The following ENTREP2 variants were observed in gnomAD, a reference collection of about 807,000 sequenced individuals.
ENTREP2 encodes the protein endosomal transmembrane epsin interactor 2.
the ENTREP2 span, among the ~76,000 whole-genome samples, chr15:29,389,966 T>A: frequency 6.6e-6 from 1 of 151,912 alleles, no homozygotes; most frequent in Admixed American, 6.6e-5. Flanking sequence ...GCCAAATAGA[T>A]TGGGAAAGGC....
the ENTREP2 span, chr15:29,569,843 C>G: frequency 3.9e-5 from 6 of 152,668 alleles, no homozygotes; most frequent in African/African-American, 1.4e-4. Flanking sequence ...GCCGCCCCCC[C>G]TTGCCTGCCC....
chr15:29,352,671 C>T, the ENTREP2 span, among the ~76,000 whole-genome samples: 3 of 152,216 alleles, frequency 2.0e-5, no homozygotes, highest in Admixed American at 1.3e-4. Context: ...TTCATCCCCA[C>T]ACCCTGGCTG....
chr15:29,351,923 G>A, the ENTREP2 span, among the ~76,000 whole-genome samples: 3 of 152,078 alleles, frequency 2.0e-5, no homozygotes, highest in East Asian at 1.9e-4. Context: ...ACATGCACGA[G>A]CCACCACGTC....
the ENTREP2 span, among the ~76,000 whole-genome samples, chr15:29,199,639 C>T: frequency 6.6e-6 from 1 of 152,140 alleles, no homozygotes; most frequent in African/African-American, 2.4e-5. Context: ...ATATATAGTA[C>T]ATGGTTTTGT....
the ENTREP2 span, among the ~76,000 whole-genome samples, chr15:29,466,182 G>A: frequency 5.1e-3 from 771 of 152,262 alleles, 7 homozygotes; most frequent in African/African-American, 0.018. Context: ...GAGCAGCTCC[G>A]AGCAACAGTG....
chr15:29,643,876 G>A, the ENTREP2 span, among the ~76,000 whole-genome samples: 1 of 151,946 alleles, frequency 6.6e-6, no homozygotes, highest in Admixed American at 6.6e-5. Flanking sequence ...CAGTCACTTT[G>A]GAGAACAGAC....
chr15:29,361,610 A>G, the ENTREP2 span, among the ~76,000 whole-genome samples: 1 of 152,156 alleles, frequency 6.6e-6, no homozygotes, highest in African/African-American at 2.4e-5. Flanking sequence ...TTTCCAAGTC[A>G]TTGCACGGCT....
chr15:29,399,026 T>C, the ENTREP2 span, among the ~76,000 whole-genome samples: 1 of 152,170 alleles, frequency 6.6e-6, no homozygotes, highest in African/African-American at 2.4e-5. Flanking sequence ...ATTTGAGGTG[T>C]AAGAAGTTGT....
At chr15:29,196,461 T>C in the ENTREP2 span, 1 of 1,551,710 alleles carries the variant, frequency 6.4e-7, no homozygotes, top group East Asian at 2.4e-5. Flanking sequence ...GTTGCAGTTC[T>C]CCTGCAGCGG....
chr15:29,484,794 T>A, the ENTREP2 span, among the ~76,000 whole-genome samples: 1 of 152,154 alleles, frequency 6.6e-6, no homozygotes, highest in African/African-American at 2.4e-5. Flanking sequence ...AAATAAGAAC[T>A]TAAGTCACAA....
the ENTREP2 span, among the ~76,000 whole-genome samples, chr15:29,327,065 CA>C: frequency 1.3e-5 from 2 of 151,796 alleles, no homozygotes; most frequent in Non-Finnish European, 2.9e-5. Flanking sequence ...AAAATTATAT[CA>C]AAAGGGATCA....
chr15:29,157,315 CCT>C, the ENTREP2 span, among the ~76,000 whole-genome samples: 52 of 152,290 alleles, frequency 3.4e-4, 1 homozygote, highest in African/African-American at 1.2e-3. Flanking sequence ...TCTGCGGGCC[CCT>C]GTGTGTCCTC....
chr15:29,158,734 G>A, the ENTREP2 span, among the ~76,000 whole-genome samples: 6 of 152,176 alleles, frequency 3.9e-5, no homozygotes, highest in Admixed American at 2.0e-4. Context: ...AGAGAGAGGC[G>A]GGTCTTTCAT....
the ENTREP2 span, among the ~76,000 whole-genome samples, chr15:29,560,574 C>T: frequency 6.6e-6 from 1 of 152,040 alleles, no homozygotes; most frequent in Non-Finnish European, 1.5e-5. Context: ...GTCATCATTC[C>T]CAGGGAGCAT....
chr15:29,645,299 A>G, the ENTREP2 span, among the ~76,000 whole-genome samples: 2 of 152,204 alleles, frequency 1.3e-5, no homozygotes, highest in African/African-American at 4.8e-5. Context: ...ATAGATGTAG[A>G]TCCTGCCAAC....
At chr15:29,602,659 T>C in the ENTREP2 span, among the ~76,000 whole-genome samples, 1 of 152,156 alleles carries the variant, frequency 6.6e-6, no homozygotes, top group Non-Finnish European at 1.5e-5. Context: ...TGCCTCAGCC[T>C]CCTGAGTAGC....
the ENTREP2 span, among the ~76,000 whole-genome samples, chr15:29,385,283 T>C: frequency 5.4e-4 from 83 of 152,300 alleles, 2 homozygotes; most frequent in African/African-American, 2.0e-3. Flanking sequence ...AATATTGCTT[T>C]TATCTTATTA....
chr15:29,229,751 T>C, the ENTREP2 span, among the ~76,000 whole-genome samples: 1 of 152,294 alleles, frequency 6.6e-6, no homozygotes, highest in African/African-American at 2.4e-5. Context: ...TAGATCCTTT[T>C]CTCTACTTGC....
At chr15:29,604,085 T>C in the ENTREP2 span, among the ~76,000 whole-genome samples, 374 of 152,270 alleles carry the variant, frequency 2.5e-3, 4 homozygotes, top group African/African-American at 8.5e-3. Flanking sequence ...ACGGTCACTA[T>C]CCCTAATATG....
Sources: gnomAD v4.1 joint callset for allele counts (sites outside exome capture counted in the v4.1 genomes callset) on GRCh38, gnomAD v4.1.1 for gene constraint, MANE v1.5 for transcripts, NCBI Gene and HGNC (gene_info 2026-07-23, HGNC 2026-07-21) for gene names.